EEIG2: variants seen among roughly 807,000 people sequenced by gnomAD.
EEIG2 encodes the protein family with sequence similarity 102 member B.
At chr1:108,565,658 C>T in the EEIG2 span, among the ~76,000 whole-genome samples, 1 of 151,928 alleles carries the variant, frequency 6.6e-6, no homozygotes, top group Non-Finnish European at 1.5e-5. Flanking sequence ...TTCTAAGTTT[C>T]ACATGAGGCT....
the EEIG2 span, among the ~76,000 whole-genome samples, chr1:108,614,937 A>T: frequency 2.0e-4 from 30 of 152,144 alleles, no homozygotes; most frequent in African/African-American, 6.5e-4. Context: ...TGCAGTTTTG[A>T]TGGAGTTGGA....
chr1:108,601,960 A>T, the EEIG2 span, among the ~76,000 whole-genome samples: 341 of 152,230 alleles, frequency 2.2e-3, 1 homozygote, highest in African/African-American at 7.2e-3. Context: ...TACTTTCTGG[A>T]TGGAGTTGGG....
the EEIG2 span, chr1:108,635,004 T>C: frequency 9.7e-7 from 1 of 1,028,096 alleles, no homozygotes; most frequent in South Asian, 1.4e-5. Context: ...TCAAATCTAG[T>C]AGAAAAATAC....
chr1:108,632,826 T>A, the EEIG2 span, among the ~76,000 whole-genome samples: 1 of 152,034 alleles, frequency 6.6e-6, no homozygotes, highest in African/African-American at 2.4e-5. Context: ...TTCTAAGAGA[T>A]AGGGTCTCAC....
At chr1:108,634,578 C>T in the EEIG2 span, among the ~76,000 whole-genome samples, 2 of 152,136 alleles carry the variant, frequency 1.3e-5, no homozygotes, top group Admixed American at 1.3e-4. Flanking sequence ...GCCTGTAATC[C>T]AGCACTTTGG....
At chr1:108,589,165 C>T in the EEIG2 span, among the ~76,000 whole-genome samples, 1 of 152,090 alleles carries the variant, frequency 6.6e-6, no homozygotes, top group Non-Finnish European at 1.5e-5. Context: ...TCACCTGGAT[C>T]CCATCGTCTG....
the EEIG2 span, among the ~76,000 whole-genome samples, chr1:108,620,722 C>T: frequency 6.6e-6 from 1 of 152,046 alleles, no homozygotes; most frequent in Non-Finnish European, 1.5e-5. Flanking sequence ...GTGAGGACAT[C>T]GAGACTAAGA....
chr1:108,599,827 TAA>T, the EEIG2 span, among the ~76,000 whole-genome samples: 3 of 152,106 alleles, frequency 2.0e-5, no homozygotes, highest in Non-Finnish European at 2.9e-5. Context: ...CCCTGTCTCT[TAA>T]AAACACAAAA....
chr1:108,625,610 G>C, the EEIG2 span: 1 of 152,102 alleles, frequency 6.6e-6, no homozygotes, highest in African/African-American at 2.4e-5. Flanking sequence ...TAAATATGCT[G>C]ATTTCTTTCT....
chr1:108,625,971 A>C, the EEIG2 span: 1 of 152,256 alleles, frequency 6.6e-6, no homozygotes, highest in Non-Finnish European at 1.5e-5. Context: ...TCTTGCTGCT[A>C]TCCCCTGATA....
chr1:108,608,183 G>C, the EEIG2 span, among the ~76,000 whole-genome samples: 1 of 151,960 alleles, frequency 6.6e-6, no homozygotes, highest in African/African-American at 2.4e-5. Flanking sequence ...TTTGTAACTT[G>C]ATGTTTTTCC....
chr1:108,578,034 C>A, the EEIG2 span, among the ~76,000 whole-genome samples: 9 of 149,184 alleles, frequency 6.0e-5, no homozygotes, highest in East Asian at 1.8e-3. Flanking sequence ...AAGTTGGATT[C>A]CTAGGTATTT....
chr1:108,628,677 A>T, the EEIG2 span: 1 of 1,607,130 alleles, frequency 6.2e-7, no homozygotes, highest in Non-Finnish European at 8.5e-7. Flanking sequence ...CTTTTCAAAG[A>T]TGCCCAGTGA....
chr1:108,616,832 A>G, the EEIG2 span, among the ~76,000 whole-genome samples: 3 of 152,236 alleles, frequency 2.0e-5, no homozygotes, highest in Non-Finnish European at 4.4e-5. Flanking sequence ...CTTATATTCT[A>G]AGAGGAAAAT....
At chr1:108,630,527 T>C in the EEIG2 span, among the ~76,000 whole-genome samples, 1 of 152,200 alleles carries the variant, frequency 6.6e-6, no homozygotes, top group African/African-American at 2.4e-5. Context: ...TAAACATATG[T>C]AACTAACCTG....
At chr1:108,564,819 C>A in the EEIG2 span, among the ~76,000 whole-genome samples, 1 of 151,876 alleles carries the variant, frequency 6.6e-6, no homozygotes, top group Non-Finnish European at 1.5e-5. Context: ...TGGTGGTGGG[C>A]ACCTGTAATG....
At chr1:108,571,272 C>G in the EEIG2 span, among the ~76,000 whole-genome samples, 3 of 152,106 alleles carry the variant, frequency 2.0e-5, no homozygotes. Context: ...GGCACTGCCT[C>G]TGGACCTGTG....
chr1:108,624,493 T>C, the EEIG2 span: 1 of 544,792 alleles, frequency 1.8e-6, no homozygotes, highest in Non-Finnish European at 3.3e-6. Flanking sequence ...AAAAGATGCT[T>C]ATACGTTATT....
At chr1:108,597,660 GTC>G in the EEIG2 span, among the ~76,000 whole-genome samples, 635 of 152,184 alleles carry the variant, frequency 4.2e-3, 2 homozygotes, top group African/African-American at 0.015. Context: ...GTTATCACTT[GTC>G]TGTCTGTCTC....
Sources: allele counts gnomAD v4.1 joint callset (sites outside exome capture counted in the v4.1 genomes callset), GRCh38; gene constraint gnomAD v4.1.1; transcripts MANE v1.5; gene names NCBI Gene and HGNC (gene_info 2026-07-23, HGNC 2026-07-21).